The following CAP1 variants were observed in gnomAD, a reference collection of about 807,000 sequenced individuals.
CAP1 encodes cyclase associated actin cytoskeleton regulatory protein 1, also known as adenylyl cyclase-associated protein 1.
CAP1 carries 11 observed loss-of-function variants against 58.2 expected under a neutral mutation model. That is an observed-to-expected ratio of 0.19 (90% CI 0.12 to 0.31). The LOEUF is 0.31. Ranked by LOEUF, CAP1 falls within the 10% of genes least tolerant of loss-of-function variation. The pLI is 1.00. For missense variants in CAP1, 423 were observed against 587.5 expected, an observed-to-expected ratio of 0.72 and a Z score of 2.89; for synonymous variants, 183 against 213.8, an observed-to-expected ratio of 0.86 and a Z score of 1.26.
At chr1:40,056,796 T>G (rs924026393) in intron 1 of CAP1, among the ~76,000 whole-genome samples, 2 of 152,068 alleles carry the variant, frequency 1.3e-5, no homozygotes, top group African/African-American at 4.8e-5. Context: ...AGAAAAGGTG[T>G]GTCTTTCACA....
chr1:40,048,552 T>G (rs938119770), intron 1 of CAP1, among the ~76,000 whole-genome samples: 3 of 152,178 alleles, frequency 2.0e-5, no homozygotes, highest in African/African-American at 7.2e-5. Flanking sequence ...TTAGAAGGGA[T>G]AGTCAAGTAG....
At position 40,067,590 on chromosome 1, in the gene CAP1, A is replaced by T. The variant is rs1647146533; in HGVS notation, c.681A>T (p.Gly227=). 3.7e-6 allele frequency: 6 copies of T among 1,610,002 alleles called. No homozygotes were observed. Among genetic ancestry groups the T allele is most frequent in the Non-Finnish European group, 5.1e-6 (6 of 1,177,956 alleles). The change falls in exon 8 of 13, where the codon GGA becomes GGT. Residue 227 remains glycine, a synonymous_variant. Coordinates refer to ENST00000372805, the MANE Select transcript of CAP1 (RefSeq NM_006367.4). Reference sequence around the variant, plus strand: ...GACTGCCATCTGGACCCTCTGCCGGATCATGTCCTCCTCCCCCTCCACCAT... The same window carrying T: ...GACTGCCATCTGGACCCTCTGCCGGTTCATGTCCTCCTCCCCCTCCACCAT... The part of the protein sequence containing the change: ...LSGLPSGPSA[G]SCPPPPPPCP...
chr1:40,064,658 C>T lies in CAP1; in HGVS notation c.524+99C>T. ...GTGGCACAATCACAGCTCATTGCAG[C>T]CTCAACCTCCCAGCTCAAACAATCC... On this transcript the variant is annotated intron_variant, in intron 6 of 12. Coordinates refer to ENST00000372805, the MANE Select transcript of CAP1 (RefSeq NM_006367.4). 4.7e-6 allele frequency: 4 copies of T among 859,812 alleles called. No homozygotes were observed. In the Admixed American group the frequency reaches 5.8e-5, roughly 13 times the overall value. 53.3% of individuals were successfully genotyped at this position (859,812 alleles called of 1,614,324 possible).
chr1:40,043,618 T>C (rs532407434), intron 1 of CAP1, among the ~76,000 whole-genome samples: 17 of 152,342 alleles, frequency 1.1e-4, no homozygotes, highest in African/African-American at 3.4e-4. Context: ...GACTCACGCC[T>C]GTAATCCTGA....
rs776813286 is a variant in CAP1, at chr1:40,071,572, A to G, written c.*39A>G. ...GGGTTCTTTGCCCTCCCTTCACACC[A>G]TGGGATAAATCTGTATCAAGACGGT... On this transcript the variant is annotated 3_prime_UTR_variant, in exon 13 of 13. Coordinates refer to ENST00000372805, the MANE Select transcript of CAP1 (RefSeq NM_006367.4). 69 of 1,267,642 alleles carry G rather than the reference A, an allele frequency of 5.4e-5. No homozygotes were observed. The highest frequency in any genetic ancestry group is 7.5e-5 in the Non-Finnish European group (65 of 866,984). The allele number at this position is 1,267,642 out of a possible 1,614,324, so 78.5% of individuals were successfully genotyped here. A position where few individuals can be genotyped will look rare whatever the true frequency, so the allele number is the denominator to read the frequency against.
At chr1:40,062,766 A>G (rs926131221) in intron 4 of CAP1, among the ~76,000 whole-genome samples, 3 of 76,582 alleles carry the variant, frequency 3.9e-5, no homozygotes, top group African/African-American at 9.6e-5. Context: ...CCTTCTCTCA[A>G]AAAACATTGT....
At chr1:40,061,155 A>C (rs1046660661) in intron 3 of CAP1, among the ~76,000 whole-genome samples, 1 of 49,910 alleles carries the variant, frequency 2.0e-5, no homozygotes, top group Non-Finnish European at 4.0e-5. Context: ...CTTCTGCTGT[A>C]CTTTTTTTTT....
Position 40,071,999 on chromosome 1 carries a change from ACAAGCGAGG to A in CAP1, c.*471_*479del. 2.5e-6 allele frequency: 1 copy of A among 408,042 alleles called. No individual in the cohort carries two copies. 25.3% of individuals were successfully genotyped at this position (408,042 alleles called of 1,614,324 possible). ...TAACCAAACTAATTTTTCACTGTTG[ACAAGCGAGG>A]CAAGGGTTGCACTGGACCAAAGGCT... On this transcript the variant is annotated 3_prime_UTR_variant, in exon 13 of 13. Transcript: ENST00000372805.
chr1:40,062,773 T>TTGTGTGTGTGTGTGTGTGTGTGTGTG (rs1169359200), intron 4 of CAP1, among the ~76,000 whole-genome samples: 106 of 145,620 alleles, frequency 7.3e-4, no homozygotes, highest in East Asian at 2.0e-3. Context: ...TCAAAAAACA[T>TTGTGTGTGTGTGTGTGTGTGTGTGTG]TGTGTGTGTG....
At chr1:40,052,259 G>A (rs1303205203) in intron 1 of CAP1, among the ~76,000 whole-genome samples, 1 of 152,122 alleles carries the variant, frequency 6.6e-6, no homozygotes, top group Non-Finnish European at 1.5e-5. Context: ...CCTTATATCT[G>A]TGTATGCTAG....
At chr1:40,070,031 A>C in intron 9 of CAP1, 128 bp from the exon 10 acceptor site, 2 of 1,460,398 alleles carry the variant, frequency 1.4e-6, no homozygotes, top group South Asian at 1.3e-5. Context: ...CAGGAGGTTA[A>C]ATGGAGCTTA....
Position 40,070,254 on chromosome 1 carries a change from C to A in CAP1, c.1089C>A (p.Ile363=). The A allele has an allele frequency of 6.2e-7, 1 of 1,614,174 alleles. No individual in the cohort carries two copies. ...AGTGTGTCAACACGACATTGCAAAT[C>A]AAGGGCAAAATTAACTCCATTACAG... The part of the protein sequence containing the change: ...IYKCVNTTLQ[I]KGKINSITVD... The change falls in exon 10 of 13, where the codon ATC becomes ATA. Residue 363 remains isoleucine (I), a synonymous_variant. Transcript: ENST00000372805.
At chr1:40,069,501 T>C (rs76184602) in intron 8 of CAP1, 189 bp from the exon 9 acceptor site, 6,366 of 611,040 alleles carry the variant, frequency 0.01, 278 homozygotes, top group African/African-American at 0.096. Flanking sequence ...TTGTTGTTAA[T>C]GGAACCATAT....
intron 1 of CAP1, among the ~76,000 whole-genome samples, chr1:40,049,281 G>A (rs1557675884): frequency 7.2e-6 from 1 of 137,962 alleles, no homozygotes; most frequent in Non-Finnish European, 1.5e-5. Context: ...TCCGCCTCCT[G>A]GATTCAAGAG....
At position 40,072,361 on chromosome 1, in the gene CAP1, C is replaced by G; in HGVS notation, c.*828C>G. 3.2e-6 allele frequency: 1 copy of G among 314,296 alleles called. No individual in the cohort carries two copies. The highest frequency in any genetic ancestry group is 5.8e-6 in the Non-Finnish European group (1 of 173,316). 19.5% of individuals were successfully genotyped at this position (314,296 alleles called of 1,614,324 possible). A position where few individuals can be genotyped will look rare whatever the true frequency, so the allele number is the denominator to read the frequency against. ...GTCTTCACTGCCTCCTTTTCCCTGT[C>G]ATGCTCATCAGCTTATGGCTTCTGT... On this transcript the variant is annotated 3_prime_UTR_variant, in exon 13 of 13. Transcript: ENST00000372805.
chr1:40,058,886 G>A lies in CAP1; in HGVS notation c.-10-451G>A, dbSNP rs1345584118. 2.6e-5 allele frequency among the ~76,000 whole-genome samples: 4 copies of A among 152,200 alleles called. No individual in the cohort carries two copies. The South Asian group carries it at 8.3e-4, about 32-fold the overall frequency. Reference sequence around the variant, plus strand: ...GTACTGGCTTCTCTATTCACTGGCCGTGTGACTAGACAAGTCATTTAGCTT... The same window carrying A: ...GTACTGGCTTCTCTATTCACTGGCCATGTGACTAGACAAGTCATTTAGCTT... On this transcript the variant is annotated intron_variant, in intron 1 of 12. Coordinates refer to ENST00000372805, the MANE Select transcript of CAP1 (RefSeq NM_006367.4).
rs34763876 is a variant in CAP1 at position 40,067,686 on chromosome 1, G to A, written c.777G>A (p.Ala259=). Residue 259 remains alanine, a synonymous_variant, in exon 8 of 13, where the codon GCG becomes GCA. Transcript: ENST00000372805. ...CTGCTTCCCGCTCATCACTGTTCGCGCAGATTAATCAGGGGGAGAGCATTA... is the reference window on the plus strand; with the variant it reads ...CTGCTTCCCGCTCATCACTGTTCGCACAGATTAATCAGGGGGAGAGCATTA... ...YESASRSSLF[A]QINQGESITH... 0.018 allele frequency: 28,871 copies of A among 1,597,052 alleles called. 384 individuals are homozygous for A. Among genetic ancestry groups the A allele is most frequent in the Non-Finnish European group, 0.02 (22,960 of 1,171,552 alleles).
At chr1:40,047,103 A>G (rs1334710024) in intron 1 of CAP1, among the ~76,000 whole-genome samples, 3 of 106,690 alleles carry the variant, frequency 2.8e-5, no homozygotes, top group Non-Finnish European at 5.3e-5. Flanking sequence ...ATAGGGTATT[A>G]TAATCTTATG....
chr1:40,070,585 T>C, intron 11 of CAP1, 73 bp downstream of exon 11: 2 of 1,249,342 alleles, frequency 1.6e-6, no homozygotes, highest in Non-Finnish European at 2.4e-6. Context: ...GACCCACAGA[T>C]GTTGCTTTGG....
Sources: gnomAD v4.1 joint callset for allele counts (sites outside exome capture counted in the v4.1 genomes callset) on GRCh38, gnomAD v4.1.1 for gene constraint, MANE v1.5 for transcripts, NCBI Gene and HGNC (gene_info 2026-07-23, HGNC 2026-07-21) for gene names.